ZNF469: variants seen among roughly 807,000 people sequenced by gnomAD.
ZNF469 encodes the protein zinc finger protein 469.
Under a neutral mutation model 1.0 loss-of-function variants are expected in ZNF469, and 1 was observed. The ratio of observed to expected loss-of-function variants is 1.00; its 90% CI spans 0.35 to 4.73. ZNF469 has a LOEUF of 4.73. ZNF469 is among the 30% of genes most tolerant of loss of function. ZNF469 has a pLI of 0.16. For synonymous variants in ZNF469, 2,703 were observed against 2,363.4 expected, an observed-to-expected ratio of 1.14 and a Z score of -4.17; for missense variants, 6,100 against 5,356.3, an observed-to-expected ratio of 1.14 and a Z score of -4.33.
chr16:88,413,223 C>T (rs959165558), intron 1 of ZNF469, among the ~76,000 whole-genome samples: 6 of 152,228 alleles, frequency 3.9e-5, no homozygotes, highest in Non-Finnish European at 8.8e-5. Flanking sequence ...CACGAGAGGC[C>T]GGGACCAAGA....
chr16:88,237,647 T>G, the ZNF469 span, among the ~76,000 whole-genome samples: 32 of 7,816 alleles, frequency 4.1e-3, no homozygotes, highest in East Asian at 8.0e-3. Flanking sequence ...CTCCTGCCAC[T>G]CACCCTCCCT....
chr16:88,271,206 G>A, the ZNF469 span, among the ~76,000 whole-genome samples: 8 of 150,856 alleles, frequency 5.3e-5, no homozygotes, highest in Non-Finnish European at 7.4e-5. Context: ...GCGTGTTGAC[G>A]TTAGTCACCG....
chr16:88,399,143 G>A (rs62047072), intron 1 of ZNF469, among the ~76,000 whole-genome samples: 2 of 152,102 alleles, frequency 1.3e-5, no homozygotes, highest in African/African-American at 4.8e-5. Flanking sequence ...GCATGTGGCT[G>A]GCAGTTTGGC....
chr16:88,282,974 G>A, the ZNF469 span, among the ~76,000 whole-genome samples: 8 of 152,308 alleles, frequency 5.3e-5, no homozygotes, highest in African/African-American at 1.7e-4. Context: ...TTAGCTTAAC[G>A]GGGAGCAGGA....
the ZNF469 span, among the ~76,000 whole-genome samples, chr16:88,361,743 T>A: frequency 1.3e-5 from 2 of 152,228 alleles, no homozygotes; most frequent in East Asian, 3.8e-4. Flanking sequence ...TTTTCTCATA[T>A]GTTCTTGCTT....
At chr16:88,357,455 C>T in the ZNF469 span, among the ~76,000 whole-genome samples, 1 of 152,174 alleles carries the variant, frequency 6.6e-6, no homozygotes, top group Non-Finnish European at 1.5e-5. Context: ...CGAGTCTCAT[C>T]CCGGCCCTGA....
rs753481187 is a variant in ZNF469, at chr16:88,430,141, G to A, written c.2671G>A (p.Val891Met). The A allele has an allele frequency of 2.0e-5, 31 of 1,550,116 alleles. No individual in the cohort carries two copies. The Middle Eastern group carries it at 1.5e-3, about 75-fold the overall frequency. Reference protein sequence around the residue: ...SGHPLKSKAGVTPESKAPPPL... With the variant: ...SGHPLKSKAGMTPESKAPPPL... The stretch of plus-strand genomic sequence containing the variant: ...ACACCCCCTTAAGAGCAAGGCGGGG[G>A]TGACTCCAGAGAGCAAAGCTCCGCC... Residue 891 changes from valine (V) to methionine (M), a missense_variant, in exon 3 of 3, where the codon GTG (valine) becomes ATG (methionine). Physicochemically the swap from Val to Met is conservative, Grantham distance 21. Transcript: ENST00000565624.
chr16:88,247,734 T>G, the ZNF469 span, among the ~76,000 whole-genome samples: 1 of 151,644 alleles, frequency 6.6e-6, no homozygotes, highest in African/African-American at 2.4e-5. Context: ...AGTGAGTGAG[T>G]CAATGAGTGA....
the ZNF469 span, among the ~76,000 whole-genome samples, chr16:88,349,334 G>GCACCACA: frequency 6.6e-6 from 1 of 151,932 alleles, no homozygotes; most frequent in Non-Finnish European, 1.5e-5. Context: ...ATGCACATGA[G>GCACCACA]CACCACACAC....
chr16:88,271,987 G>A, the ZNF469 span, among the ~76,000 whole-genome samples: 1 of 152,150 alleles, frequency 6.6e-6, no homozygotes, highest in Non-Finnish European at 1.5e-5. Context: ...TAGATGAGTG[G>A]TTGGGTAGTT....
chr16:88,436,917 G>A lies in ZNF469; in HGVS notation c.9447G>A (p.Val3149=). 1.3e-6 allele frequency: 2 copies of A among 1,499,728 alleles called. No individual in the cohort carries two copies. Among genetic ancestry groups the A allele is most frequent in the East Asian group, 2.5e-5 (1 of 40,406 alleles). The allele number at this position is 1,499,728 out of a possible 1,614,324, so 92.9% of individuals were successfully genotyped here. A position where few individuals can be genotyped will look rare whatever the true frequency, so the allele number is the denominator to read the frequency against. ...PAPPPTCYMC[V]ERRFGSRELL... is the part of the protein sequence containing the mutation. The stretch of plus-strand genomic sequence containing the variant: ...CGCCGCCCACCTGCTACATGTGCGT[G>A]GAGCGCAGGTTTGGCTCGCGGGAGC... Residue 3149 remains valine, a synonymous_variant, in exon 3 of 3, where the codon GTG becomes GTA. Transcript: ENST00000565624.
At chr16:88,198,682 G>A in the ZNF469 span, among the ~76,000 whole-genome samples, 48 of 152,318 alleles carry the variant, frequency 3.2e-4, no homozygotes, top group African/African-American at 9.1e-4. Flanking sequence ...GATGGGTGGC[G>A]AGCAGAATGG....
the ZNF469 span, among the ~76,000 whole-genome samples, chr16:88,205,957 G>A: frequency 1.8e-5 from 2 of 110,144 alleles, no homozygotes; most frequent in Non-Finnish European, 1.8e-5. The surrounding 1 kb of genome is among the most constrained non-coding windows in gnomAD (Gnocchi z 4.2). Context: ...TTCAGAGGAA[G>A]GGGGGGGCCC....
the ZNF469 span, among the ~76,000 whole-genome samples, chr16:88,119,212 A>G: frequency 6.6e-6 from 1 of 152,180 alleles, no homozygotes; most frequent in Non-Finnish European, 1.5e-5. Flanking sequence ...GTATCAGCCG[A>G]GGCGGTCTCA....
chr16:88,344,810 G>A, the ZNF469 span, among the ~76,000 whole-genome samples: 3 of 152,180 alleles, frequency 2.0e-5, no homozygotes, highest in South Asian at 2.1e-4. Flanking sequence ...AGGCGAGACC[G>A]GGTCGGAACC....
chr16:88,265,423 C>A, the ZNF469 span, among the ~76,000 whole-genome samples: 1 of 152,210 alleles, frequency 6.6e-6, no homozygotes, highest in South Asian at 2.1e-4. Flanking sequence ...TTGGGGCTTC[C>A]TTTTGGCCTC....
At chr16:88,235,391 C>T in the ZNF469 span, among the ~76,000 whole-genome samples, 1 of 152,232 alleles carries the variant, frequency 6.6e-6, no homozygotes, top group Admixed American at 6.5e-5. Flanking sequence ...TCCCCCAACA[C>T]ACCTGGAGCG....
chr16:88,277,376 G>A, the ZNF469 span, among the ~76,000 whole-genome samples: 6 of 149,932 alleles, frequency 4.0e-5, no homozygotes, highest in Admixed American at 2.7e-4. Flanking sequence ...TATCATTAGT[G>A]CTGTGCCACG....
At chr16:88,248,966 C>T in the ZNF469 span, among the ~76,000 whole-genome samples, 1 of 152,194 alleles carries the variant, frequency 6.6e-6, no homozygotes, top group Admixed American at 6.5e-5. Context: ...GTCCACCTTC[C>T]TCAGTGTGTC....
Sources: allele counts gnomAD v4.1 joint callset (sites outside exome capture counted in the v4.1 genomes callset), GRCh38; gene constraint gnomAD v4.1.1; non-coding constraint Gnocchi (gnomAD v3.1); transcripts MANE v1.5; gene names NCBI Gene and HGNC (gene_info 2026-07-23, HGNC 2026-07-21).